STK33: variants seen among roughly 807,000 people sequenced by gnomAD.
STK33 encodes serine/threonine kinase 33, also known as serine/threonine-protein kinase 33.
A neutral mutation model predicts 58.0 loss-of-function variants in STK33; 52 were observed. That is an observed-to-expected ratio of 0.90 (90% CI 0.72 to 1.13). The LOEUF (loss-of-function observed/expected upper bound fraction) is 1.13, where lower values mean the gene tolerates loss of function less well. STK33 is among the 50% of genes most tolerant of loss of function. STK33 has a pLI of 0.00. For synonymous variants in STK33, 215 were observed against 200.1 expected (o/e 1.07, Z -0.63); for missense variants, 630 against 604.2 (o/e 1.04, Z -0.45).
chr11:8,588,948 G>T (rs909635798), intron 1 of STK33, among the ~76,000 whole-genome samples: 1 of 152,108 alleles, frequency 6.6e-6, no homozygotes, highest in Admixed American at 6.5e-5. Flanking sequence ...TCAGGAAAAT[G>T]TAAATCAAAA....
chr11:8,383,647 G>A, the STK33 span, among the ~76,000 whole-genome samples: 1 of 152,342 alleles, frequency 6.6e-6, no homozygotes, highest in Admixed American at 6.5e-5. Flanking sequence ...TCACTATTCA[G>A]ATTCAATTAA....
chr11:8,396,416 T>C (rs1372094397), intron 15 of STK33, among the ~76,000 whole-genome samples: 1 of 152,228 alleles, frequency 6.6e-6, no homozygotes, highest in Admixed American at 6.5e-5. Context: ...CTTTACTAAA[T>C]TCCAGTTGCA....
chr11:8,524,693 A>G (rs1317674982), intron 1 of STK33, among the ~76,000 whole-genome samples: 1 of 152,130 alleles, frequency 6.6e-6, no homozygotes, highest in Admixed American at 6.5e-5. Context: ...TCTTATTTAA[A>G]TCAATTCACC....
the STK33 span, among the ~76,000 whole-genome samples, chr11:8,357,926 G>A: frequency 1.3e-5 from 2 of 152,210 alleles, no homozygotes; most frequent in Non-Finnish European, 2.9e-5. Context: ...AAAATTGCAG[G>A]TACTCAGCTC....
chr11:8,354,409 A>C, the STK33 span, among the ~76,000 whole-genome samples: 1 of 151,542 alleles, frequency 6.6e-6, no homozygotes, highest in African/African-American at 2.4e-5. Context: ...GCAGGTGCTC[A>C]TACTCAGAGC....
the STK33 span, among the ~76,000 whole-genome samples, chr11:8,377,888 A>T: frequency 0.18 from 26,942 of 152,222 alleles, 2,717 homozygotes; most frequent in South Asian, 0.31. Flanking sequence ...CTAGGAATAT[A>T]CTTAACCAAG....
intron 1 of STK33, among the ~76,000 whole-genome samples, chr11:8,487,826 T>C (rs1950296219): frequency 6.6e-6 from 1 of 151,944 alleles, no homozygotes; most frequent in Non-Finnish European, 1.5e-5. Flanking sequence ...GCAAAAAAAA[T>C]CAGAATAAAC....
At position 8,550,633 on chromosome 11, in the gene STK33, G is replaced by C. The variant is rs183117616; in HGVS notation, c.-466+43450C>G. Among the ~76,000 whole-genome samples the C allele has an allele frequency of 4.6e-5, 7 of 152,300 alleles. No homozygotes were observed. The East Asian group carries it at 1.3e-3, about 29-fold the overall frequency. On this transcript the variant is annotated intron_variant, in intron 1 of 15. Coordinates refer to ENST00000687296, the MANE Select transcript of STK33 (RefSeq NM_001352389.2). Reference sequence around the variant, plus strand: ...CAAAGTTCCACAAATCTCTAGGGCAGGTGAAAAATGCCACTGGCTCTTTTC... The same window carrying C: ...CAAAGTTCCACAAATCTCTAGGGCACGTGAAAAATGCCACTGGCTCTTTTC...
At chr11:8,441,710 C>T (rs1944767750) in intron 11 of STK33, among the ~76,000 whole-genome samples, 1 of 151,558 alleles carries the variant, frequency 6.6e-6, no homozygotes, top group Admixed American at 6.6e-5. Context: ...TCTATTGTAC[C>T]TCTATAGCTA....
At chr11:8,568,336 A>G (rs1957583110) in intron 1 of STK33, among the ~76,000 whole-genome samples, 2 of 152,176 alleles carry the variant, frequency 1.3e-5, no homozygotes, top group African/African-American at 2.4e-5. Context: ...TAACATTTAC[A>G]TGTATTTACT....
intron 9 of STK33, among the ~76,000 whole-genome samples, chr11:8,455,743 G>A (rs1370171364): frequency 1.3e-5 from 2 of 149,170 alleles, no homozygotes; most frequent in Admixed American, 6.8e-5. Flanking sequence ...GCTGGGAGGC[G>A]GAGCTTGCAG....
intron 12 of STK33, among the ~76,000 whole-genome samples, chr11:8,440,251 A>G (rs1383851224): frequency 6.6e-6 from 1 of 151,832 alleles, no homozygotes; most frequent in East Asian, 1.9e-4. Context: ...ATCCTAAGTG[A>G]CCCTCTGCCT....
rs1272825572 is a variant in STK33 at position 8,489,152 on chromosome 11, G to A, written c.-465-8538C>T. Among the ~76,000 whole-genome samples the A allele has an allele frequency of 5.3e-5, 8 of 151,276 alleles. No homozygotes were observed. The South Asian group carries it at 6.3e-4, about 12-fold the overall frequency. On this transcript the variant is annotated intron_variant, in intron 1 of 15. Coordinates refer to ENST00000687296, the MANE Select transcript of STK33 (RefSeq NM_001352389.2). ...TGCACATATGGTCTGAGCTACTTGG[G>A]AGACTAAGGTGGGAGGATTACTTGA...
chr11:8,344,198 A>AACACACAC, the STK33 span, among the ~76,000 whole-genome samples: 9,779 of 137,154 alleles, frequency 0.071, 483 homozygotes, highest in African/African-American at 0.14. Flanking sequence ...AAACAAACAA[A>AACACACAC]ACACACACAC....
intron 15 of STK33, among the ~76,000 whole-genome samples, chr11:8,397,720 A>AT (rs1234904062): frequency 6.6e-6 from 1 of 152,024 alleles, no homozygotes; most frequent in Non-Finnish European, 1.5e-5. Context: ...TGAAAAAAAA[A>AT]TAGACAAATG....
intron 14 of STK33, among the ~76,000 whole-genome samples, chr11:8,420,982 GAAA>G (rs962412279): frequency 1.5e-5 from 2 of 132,032 alleles, no homozygotes. Flanking sequence ...GGCCCTGTCT[GAAA>G]AAAAAAAAGG....
At chr11:8,375,834 C>A in the STK33 span, among the ~76,000 whole-genome samples, 2 of 152,282 alleles carry the variant, frequency 1.3e-5, no homozygotes, top group South Asian at 2.1e-4. Context: ...GAGGCCTCTC[C>A]AGCCATGTGG....
intron 1 of STK33, among the ~76,000 whole-genome samples, chr11:8,500,521 A>G (rs1227868007): frequency 6.6e-6 from 1 of 152,192 alleles, no homozygotes; most frequent in Non-Finnish European, 1.5e-5. Context: ...CAAGACTTGT[A>G]CACATGAAAC....
At chr11:8,400,949 C>T (rs1937778577) in intron 15 of STK33, among the ~76,000 whole-genome samples, 2 of 152,118 alleles carry the variant, frequency 1.3e-5, no homozygotes, top group Admixed American at 1.3e-4. Context: ...CTACAAACCA[C>T]TGCTCAATGA....
Sources: allele counts gnomAD v4.1 joint callset (sites outside exome capture counted in the v4.1 genomes callset), GRCh38; gene constraint gnomAD v4.1.1; transcripts MANE v1.5; gene names NCBI Gene and HGNC (gene_info 2026-07-23, HGNC 2026-07-21).